The following CENPF variants were observed in gnomAD, a reference collection of about 807,000 sequenced individuals.
CENPF encodes AH antigen.
A neutral mutation model predicts 307.3 loss-of-function variants in CENPF; 214 were observed. That is an observed-to-expected ratio of 0.70 (90% CI 0.62 to 0.78). The LOEUF (loss-of-function observed/expected upper bound fraction) is 0.78. Ranked by LOEUF, CENPF falls within the 30% of genes least tolerant of loss-of-function variation. The pLI, the probability that CENPF is intolerant of heterozygous loss-of-function variation, is 0.00. For missense variants in CENPF, 3,401 were observed against 3,483.9 expected (o/e 0.98, Z 0.60); for synonymous variants, 1,259 against 1,270.6 (o/e 0.99, Z 0.19).
At chr1:214,615,444 T>C (rs759178633) in intron 3 of CENPF, among the ~76,000 whole-genome samples, 4 of 152,124 alleles carry the variant, frequency 2.6e-5, no homozygotes, top group Admixed American at 6.5e-5. Flanking sequence ...AATAAAACTA[T>C]CGACAGCTGT....
At position 214,642,380 on chromosome 1, in the gene CENPF, A is replaced by T; in HGVS notation, c.4042A>T (p.Ile1348Leu). Residue 1348 changes from isoleucine (I) to leucine (L), a missense_variant, in exon 12 of 20, where the codon ATA becomes TTA. Physicochemically the swap from Ile to Leu is conservative, Grantham distance 5. Coordinates refer to ENST00000366955, the MANE Select transcript of CENPF (RefSeq NM_016343.4). ...AGGGAAACTACTAAATGAAGTTAAAATATTAAATGATGACAGTGGTCTTCT... is the reference window on the plus strand; with the variant it reads ...AGGGAAACTACTAAATGAAGTTAAATTATTAAATGATGACAGTGGTCTTCT... ...EVGKLLNEVK[I>L]LNDDSGLLHG... 6.2e-7 allele frequency: 1 copy of T among 1,610,464 alleles called. No individual in the cohort carries two copies. Among genetic ancestry groups the T allele is most frequent in the Non-Finnish European group, 8.5e-7 (1 of 1,178,670 alleles).
Position 214,641,104 on chromosome 1 carries a change from T to G in CENPF, c.2766T>G (p.Thr922=), listed in dbSNP as rs1250480859. The part of the protein sequence containing the change: ...ELQLLNDKVE[T]EQAEIQELKK... ...AACTTTTAAATGATAAGGTAGAAAC[T>G]GAGCAGGCAGAGATTCAAGAATTAA... Residue 922 remains threonine (T), a synonymous_variant, in exon 12 of 20, where the codon ACT becomes ACG. Transcript: ENST00000366955. 2 of 1,577,678 alleles carry G rather than the reference T, an allele frequency of 1.3e-6. No homozygotes were observed. Among genetic ancestry groups the G allele is most frequent in the African/African-American group, 2.8e-5 (2 of 72,520 alleles).
At chr1:214,653,434 TCTC>T (rs59832872) in intron 16 of CENPF, 1,711 of 157,148 alleles carry the variant, frequency 0.011, 34 homozygotes, top group African/African-American at 0.039. Context: ...GTGTGGATAT[TCTC>T]CTCTTCCTCT....
At chr1:214,630,049 T>C (rs1657762166) in intron 8 of CENPF, among the ~76,000 whole-genome samples, 2 of 152,230 alleles carry the variant, frequency 1.3e-5, no homozygotes, top group South Asian at 4.1e-4. Flanking sequence ...TAAGAATGCC[T>C]GGAAATGTTA....
At position 214,663,820 on chromosome 1, in the gene CENPF, G is replaced by T; in HGVS notation, c.*26G>T. 6.3e-7 allele frequency: 1 copy of T among 1,589,814 alleles called. No individual in the cohort carries two copies. The highest frequency in any genetic ancestry group is 1.1e-5 in the South Asian group (1 of 89,698). The stretch of plus-strand genomic sequence containing the variant: ...AGGCACTTTGTGTGTCAGTACCCCT[G>T]GGAGGTGCCAGTCATTGAATAGATA... On this transcript the variant is annotated 3_prime_UTR_variant, in exon 20 of 20. Coordinates refer to ENST00000366955, the MANE Select transcript of CENPF (RefSeq NM_016343.4).
In CENPF at chr1:214,642,369, A is replaced by C; in HGVS notation, c.4031A>C (p.Asn1344Thr). 1 of 1,612,442 alleles carries C rather than the reference A, an allele frequency of 6.2e-7. No homozygotes were observed. Among genetic ancestry groups the C allele is most frequent in the Non-Finnish European group, 8.5e-7 (1 of 1,179,456 alleles). ...GCAGAAGAGGTAGGGAAACTACTAA[A>C]TGAAGTTAAAATATTAAATGATGAC... ...KMAEEVGKLLNEVKILNDDSG... is the reference protein window; with the variant it reads ...KMAEEVGKLLTEVKILNDDSG... Residue 1344 changes from asparagine (N) to threonine (T), a missense_variant, in exon 12 of 20, where the codon AAT becomes ACT. Asn to Thr is a moderately conservative substitution (Grantham distance 65). Coordinates refer to ENST00000366955, the MANE Select transcript of CENPF (RefSeq NM_016343.4).
intron 3 of CENPF, among the ~76,000 whole-genome samples, chr1:214,617,298 T>G (rs1178203679): frequency 1.3e-5 from 2 of 152,160 alleles, no homozygotes; most frequent in Non-Finnish European, 2.9e-5. Flanking sequence ...TCTGCCCGCC[T>G]TGGTCTCCCA....
intron 1 of CENPF, chr1:214,608,657 C>T: frequency 6.2e-7 from 1 of 1,601,546 alleles, no homozygotes; most frequent in East Asian, 2.2e-5. Flanking sequence ...CGCCCGGGTG[C>T]GCCCGAGGAG....
Position 214,642,837 on chromosome 1 carries a change from T to C in CENPF, c.4499T>C (p.Leu1500Ser), listed in dbSNP as rs558886459. The C allele has an allele frequency of 2.8e-5, 46 of 1,614,092 alleles. 1 individual carries two copies. In the South Asian group the frequency reaches 5.1e-4, roughly 18 times the overall value. ...GACTCCTCCTTTTACAGAGCTCTTT[T>C]AGAACAGACAGGAGATATGTCTCTT... ...LGDSSFYRAL[L>S]EQTGDMSLLS... is the part of the protein sequence containing the mutation. Residue 1500 changes from leucine (L) to serine (S), a missense_variant, in exon 12 of 20, where the codon TTA (leucine) becomes TCA (serine). Coordinates refer to ENST00000366955, the MANE Select transcript of CENPF (RefSeq NM_016343.4).
intron 19 of CENPF, among the ~76,000 whole-genome samples, chr1:214,661,832 C>T (rs1658794404): frequency 1.3e-5 from 2 of 151,886 alleles, no homozygotes; most frequent in Admixed American, 1.3e-4. Context: ...CTCTCTGTTG[C>T]TACTGCAGAA....
chr1:214,662,966 C>T (rs963682859), intron 19 of CENPF, among the ~76,000 whole-genome samples: 5 of 152,036 alleles, frequency 3.3e-5, no homozygotes, highest in Non-Finnish European at 7.4e-5. Context: ...AATCTTCACT[C>T]ACCAGTTACC....
intron 3 of CENPF, 194 bp downstream of exon 3, chr1:214,615,222 T>A: frequency 2.2e-6 from 1 of 454,194 alleles, no homozygotes; most frequent in Non-Finnish European, 4.0e-6. Flanking sequence ...TTTGGTTTTA[T>A]CATTGCATAG....
chr1:214,636,046 C>T (rs529774102), intron 10 of CENPF, among the ~76,000 whole-genome samples: 2 of 152,094 alleles, frequency 1.3e-5, no homozygotes, highest in African/African-American at 2.4e-5. Context: ...AATGCTAAGT[C>T]GACCCAGGTA....
intron 15 of CENPF, 42 bp downstream of exon 15, chr1:214,651,928 ATT>A (rs1658474263): frequency 6.7e-7 from 1 of 1,500,836 alleles, no homozygotes; most frequent in South Asian, 1.4e-5. Flanking sequence ...TGGAGAGTGT[ATT>A]TTGATCATGG....
In CENPF at chr1:214,645,498, A is replaced by T; in HGVS notation, c.5928A>T (p.Ala1976=). The T allele has an allele frequency of 5.0e-6, 8 of 1,614,140 alleles. No homozygotes were observed. Among genetic ancestry groups the T allele is most frequent in the Non-Finnish European group, 6.8e-6 (8 of 1,180,010 alleles). Residue 1976 remains alanine (A), a synonymous_variant, in exon 13 of 20, where the codon GCA becomes GCT. Coordinates refer to ENST00000366955, the MANE Select transcript of CENPF (RefSeq NM_016343.4). ...ELDTMSKKTT[A]LDQLSEKMKE... ...ATACTATGTCAAAAAAAACCACGGC[A>T]CTGGATCAGTTGTCTGAAAAAATGA...
chr1:214,652,218 G>A (rs887333804), intron 15 of CENPF, among the ~76,000 whole-genome samples: 8 of 150,970 alleles, frequency 5.3e-5, no homozygotes, highest in African/African-American at 1.7e-4. Context: ...TGTATTTTTA[G>A]TAGTGATGGG....
rs771380226 is a variant in CENPF, at chr1:214,640,577, A to G, written c.2239A>G (p.Met747Val). Reference protein sequence around the residue: ...HKLQLLSNEIMDKDRCYQDLH... With the variant: ...HKLQLLSNEIVDKDRCYQDLH... ...GCTTCAGTTACTGTCAAATGAAATA[A>G]TGGACAAAGACCGGTGTTACCAAGA... The change falls in exon 12 of 20, where the codon ATG becomes GTG. Residue 747 changes from methionine (M) to valine (V), a missense_variant. Transcript: ENST00000366955. 5 of 1,614,088 alleles carry G rather than the reference A, an allele frequency of 3.1e-6. No homozygotes were observed. The South Asian group carries it at 4.4e-5, about 14-fold the overall frequency.
At position 214,648,823 on chromosome 1, in the gene CENPF, G is replaced by C. The variant is rs1236444816; in HGVS notation, c.7979G>C (p.Ser2660Thr). Residue 2660 changes from serine to threonine, a missense_variant, in exon 14 of 20, where the codon AGC (serine) becomes ACC (threonine). Transcript: ENST00000366955. ...TTACTGTTGGAAGAAATAAAGAGCA[G>C]CAAAGTAAGTTTCTTTGTGACAAGT... The part of the protein sequence containing the change: ...LQLLLEEIKS[S>T]KDQLKELTLE... 1 of 1,612,918 alleles carries C rather than the reference G, an allele frequency of 6.2e-7. No individual in the cohort carries two copies. Among genetic ancestry groups the C allele is most frequent in the South Asian group, 1.1e-5 (1 of 90,800 alleles).
chr1:214,652,310 C>T (rs1487457465), intron 15 of CENPF, among the ~76,000 whole-genome samples: 1 of 151,792 alleles, frequency 6.6e-6, no homozygotes, highest in African/African-American at 2.4e-5. Context: ...GCTGGGATTA[C>T]AGGCGTGAGC....
Sources: allele counts gnomAD v4.1 joint callset (sites outside exome capture counted in the v4.1 genomes callset), GRCh38; gene constraint gnomAD v4.1.1; transcripts MANE v1.5; gene names NCBI Gene and HGNC (gene_info 2026-07-23, HGNC 2026-07-21).